The following PHF20 variants were observed in gnomAD, a reference collection of about 807,000 sequenced individuals.
The protein encoded by PHF20 is PHD finger protein 20.
PHF20 carries 23 observed loss-of-function variants against 113.5 expected under a neutral mutation model. That is an observed-to-expected ratio of 0.20 (90% confidence interval 0.15 to 0.29). The LOEUF (loss-of-function observed/expected upper bound fraction) is 0.29, where lower values mean the gene tolerates loss of function less well. PHF20 is among the 10% of genes least tolerant of loss of function. The pLI, the probability that PHF20 is intolerant of heterozygous loss-of-function variation, is 1.00. For missense variants in PHF20, 943 were observed against 1,219.6 expected, an observed-to-expected ratio of 0.77 and a Z score of 3.38; for synonymous variants, 434 against 457.3, an observed-to-expected ratio of 0.95 and a Z score of 0.65.
At chr20:35,845,921 G>A (rs2042616039) in intron 3 of PHF20, among the ~76,000 whole-genome samples, 1 of 151,498 alleles carries the variant, frequency 6.6e-6, no homozygotes, top group Non-Finnish European at 1.5e-5. Context: ...GACTACAGAC[G>A]CATCCAACCA....
intron 14 of PHF20, among the ~76,000 whole-genome samples, chr20:35,930,219 A>G (rs897754645): frequency 2.6e-5 from 4 of 152,204 alleles, no homozygotes; most frequent in South Asian, 2.1e-4. Flanking sequence ...GGGGGACTTG[A>G]GGCATCTTTC....
chr20:35,804,501 G>C (rs2041846094), intron 2 of PHF20, among the ~76,000 whole-genome samples: 1 of 152,086 alleles, frequency 6.6e-6, no homozygotes, highest in Non-Finnish European at 1.5e-5. Context: ...CTCCCAAAGT[G>C]CTGGGATTAC....
intron 10 of PHF20, among the ~76,000 whole-genome samples, chr20:35,907,785 A>G: frequency 6.6e-6 from 1 of 152,142 alleles, no homozygotes; most frequent in South Asian, 2.1e-4. Flanking sequence ...ATTATTTGCC[A>G]TTTGCAGATG....
chr20:35,922,020 G>A (rs2055527123), intron 13 of PHF20, among the ~76,000 whole-genome samples: 1 of 152,204 alleles, frequency 6.6e-6, no homozygotes, highest in Non-Finnish European at 1.5e-5. Context: ...TTTGAGGGTA[G>A]AGGTTAATAT....
intron 2 of PHF20, among the ~76,000 whole-genome samples, chr20:35,828,501 A>G (rs2042302033): frequency 6.6e-6 from 1 of 152,194 alleles, no homozygotes; most frequent in South Asian, 2.1e-4. Context: ...TGGCTGCTCT[A>G]GTTTAAGCAC....
chr20:35,853,681 C>T (rs1383394567), intron 4 of PHF20, among the ~76,000 whole-genome samples: 1 of 152,038 alleles, frequency 6.6e-6, no homozygotes, highest in Non-Finnish European at 1.5e-5. Context: ...TTGCTTGAGC[C>T]CAGGAGTTTG....
At chr20:35,943,155 T>C (rs1030457483) in intron 17 of PHF20, among the ~76,000 whole-genome samples, 3 of 152,100 alleles carry the variant, frequency 2.0e-5, no homozygotes, top group African/African-American at 7.2e-5. Flanking sequence ...AGTTTTAAAA[T>C]AGGAATTTGG....
intron 2 of PHF20, among the ~76,000 whole-genome samples, chr20:35,827,194 T>A (rs997753035): frequency 5.3e-5 from 8 of 152,148 alleles, no homozygotes; most frequent in African/African-American, 1.9e-4. Flanking sequence ...CTCTGCCTCC[T>A]GGGTTCAGGT....
Position 35,948,146 on chromosome 20 carries a change from G to C in PHF20, c.*519G>C, listed in dbSNP as rs1332265502. 1 of 158,558 alleles carries C rather than the reference G, an allele frequency of 6.3e-6. No homozygotes were observed. Among genetic ancestry groups the C allele is most frequent in the East Asian group, 1.8e-4 (1 of 5,410 alleles). 9.8% of individuals were successfully genotyped at this position (158,558 alleles called of 1,614,324 possible). On this transcript the variant is annotated 3_prime_UTR_variant, in exon 18 of 18. Coordinates refer to ENST00000374012, the MANE Select transcript of PHF20 (RefSeq NM_016436.5). ...GGAGGTTGGGAAAGAGCAGAGTCTTGGCTGCCCTGCTTTCTCCTTAGGACT... is the reference window on the plus strand; with the variant it reads ...GGAGGTTGGGAAAGAGCAGAGTCTTCGCTGCCCTGCTTTCTCCTTAGGACT...
chr20:35,834,883 G>C (rs949523476), intron 2 of PHF20, among the ~76,000 whole-genome samples: 6 of 152,082 alleles, frequency 3.9e-5, no homozygotes, highest in African/African-American at 1.4e-4. Flanking sequence ...GTTGACTCTT[G>C]AACTCTTTCT....
chr20:35,787,707 G>T (rs1035256384), intron 1 of PHF20, among the ~76,000 whole-genome samples: 1 of 149,900 alleles, frequency 6.7e-6, no homozygotes, highest in African/African-American at 2.5e-5. Flanking sequence ...GGCTGGTCTC[G>T]CTCTGTGCCC....
At chr20:35,776,042 T>G (rs899435279) in intron 1 of PHF20, among the ~76,000 whole-genome samples, 2 of 152,206 alleles carry the variant, frequency 1.3e-5, no homozygotes, top group African/African-American at 4.8e-5. Context: ...ACTTCTGGGC[T>G]CAAGCAGTCC....
At chr20:35,888,032 G>A (rs1371095303) in intron 9 of PHF20, among the ~76,000 whole-genome samples, 1 of 149,952 alleles carries the variant, frequency 6.7e-6, no homozygotes, top group African/African-American at 2.5e-5. Context: ...CCAGGCTGGA[G>A]TGCAATGGTG....
intron 13 of PHF20, among the ~76,000 whole-genome samples, chr20:35,925,260 CTT>C (rs763188818): frequency 8.2e-5 from 11 of 134,876 alleles, no homozygotes; most frequent in Non-Finnish European, 1.1e-4. Flanking sequence ...TTTATTGAGA[CTT>C]TTTTTTTTTT....
At chr20:35,879,310 G>T (rs112277605) in intron 9 of PHF20, among the ~76,000 whole-genome samples, 5 of 152,252 alleles carry the variant, frequency 3.3e-5, no homozygotes, top group African/African-American at 9.6e-5. Context: ...ATTTATTAAA[G>T]AATCACAATT....
At chr20:35,850,593 T>G (rs1253352406) in intron 4 of PHF20, 4 of 81,938 alleles carry the variant, frequency 4.9e-5, no homozygotes, top group Non-Finnish European at 8.9e-5. Context: ...CTGTTTTTTT[T>G]TTTTTTTTTT....
intron 4 of PHF20, among the ~76,000 whole-genome samples, chr20:35,855,865 G>T (rs1170543611): frequency 1.3e-5 from 2 of 151,986 alleles, no homozygotes; most frequent in East Asian, 3.9e-4. Flanking sequence ...TTTCAGTAGA[G>T]ACAGGGTTTC....
At chr20:35,787,575 G>A (rs6141564) in intron 1 of PHF20, among the ~76,000 whole-genome samples, 116,897 of 145,858 alleles carry the variant, frequency 0.8, 47,139 homozygotes, top group East Asian at 0.87. Flanking sequence ...TGCAATCTCC[G>A]CCTCCTGGGT....
At chr20:35,868,399 A>G (rs1473388885) in intron 6 of PHF20, among the ~76,000 whole-genome samples, 1 of 152,076 alleles carries the variant, frequency 6.6e-6, no homozygotes, top group Non-Finnish European at 1.5e-5. Flanking sequence ...CAGGAGTTCA[A>G]GACCAGCCTG....
Sources: allele counts gnomAD v4.1 joint callset (sites outside exome capture counted in the v4.1 genomes callset), GRCh38; gene constraint gnomAD v4.1.1; transcripts MANE v1.5; gene names NCBI Gene and HGNC (gene_info 2026-07-23, HGNC 2026-07-21).